The following ABCC10 variants were observed in gnomAD, a reference collection of about 807,000 sequenced individuals.
The protein encoded by ABCC10 is ATP binding cassette subfamily C member 10, also known as ATP-binding cassette sub-family C member 10.
A neutral mutation model predicts 143.2 loss-of-function variants in ABCC10; 110 were observed. The ratio of observed to expected loss-of-function variants is 0.77; its 90% CI spans 0.66 to 0.90. The LOEUF is 0.90. Among genes scored for constraint, ABCC10 ranks in the 40% least tolerant of loss-of-function variants. The pLI, the probability that ABCC10 is intolerant of heterozygous loss-of-function variation, is 0.00. For synonymous variants in ABCC10, 805 were observed against 846.7 expected, an observed-to-expected ratio of 0.95 and a Z score of 0.85; for missense variants, 1,700 against 1,900.5, an observed-to-expected ratio of 0.89 and a Z score of 1.96.
chr6:43,437,855 CAG>C, intron 6 of ABCC10, 77 bp from the exon 7 acceptor site: 3 of 1,427,278 alleles, frequency 2.1e-6, no homozygotes, highest in Non-Finnish European at 2.9e-6. Flanking sequence ...ACTGGCAGCC[CAG>C]AGTGTCAAGA....
chr6:43,428,245 G>A, intron 2 of ABCC10, 106 bp downstream of exon 2: 1 of 1,273,590 alleles, frequency 7.9e-7, no homozygotes, highest in Non-Finnish European at 1.0e-6. Context: ...CTCTGGAGTA[G>A]GGCAGAAGTA....
At chr6:43,434,974 G>A (rs1379041924) in intron 4 of ABCC10, 126 bp downstream of exon 4, 1 of 1,039,284 alleles carries the variant, frequency 9.6e-7, no homozygotes, top group Non-Finnish European at 1.4e-6. Context: ...TCTCAACCAA[G>A]GGAAAACTGA....
Position 43,432,219 on chromosome 6 carries a change from C to T in ABCC10, c.239C>T (p.Pro80Leu), listed in dbSNP as rs773097985. 41 of 1,614,100 alleles carry T rather than the reference C, an allele frequency of 2.5e-5. No homozygotes were observed. The highest frequency in any genetic ancestry group is 1.6e-4 in the Middle Eastern group (1 of 6,084). Reference protein sequence around the residue: ...LAASFLLSVFPLLDLLPVALP... With the variant: ...LAASFLLSVFLLLDLLPVALP... ...GCTTCCTTCCTGCTTTCCGTCTTCC[C>T]GCTGCTAGACCTTCTTCCAGTTGCT... Residue 80 changes from proline (P) to leucine (L), a missense_variant, in exon 3 of 22, where the codon CCG (proline) becomes CTG (leucine). Coordinates refer to ENST00000372530, the MANE Select transcript of ABCC10 (RefSeq NM_001198934.2).
intron 9 of ABCC10, 37 bp downstream of exon 9, chr6:43,441,997 G>C (rs775320890): frequency 6.3e-7 from 1 of 1,577,572 alleles, no homozygotes; most frequent in South Asian, 1.1e-5. Flanking sequence ...GCAGGGAGGT[G>C]GGGGGAGTCC....
At chr6:43,444,608 C>A (rs979928444) in intron 12 of ABCC10, among the ~76,000 whole-genome samples, 180 bp from the exon 13 acceptor site, 1 of 152,112 alleles carries the variant, frequency 6.6e-6, no homozygotes, top group Non-Finnish European at 1.5e-5. Flanking sequence ...TGAAGGGTGA[C>A]GGGCCTATGA....
In ABCC10 at chr6:43,437,943, G is replaced by A. The variant is rs146248207; in HGVS notation, c.1885G>A (p.Val629Met). ...TGTGGCTTCCTTGCAGGGTATGCTG[G>A]TGGGCATCGTGGGGAAGGTCGGCTG... is the stretch of plus-strand genomic sequence containing the variant. Reference protein sequence around the residue: ...SHLEVKKGMLVGIVGKVGCGK... With the variant: ...SHLEVKKGMLMGIVGKVGCGK... Residue 629 changes from valine to methionine, a missense_variant, in exon 7 of 22, where the codon GTG (valine) becomes ATG (methionine). By Grantham distance (21) the Val-to-Met change is conservative. Transcript: ENST00000372530. 6.2e-7 allele frequency: 1 copy of A among 1,612,826 alleles called. No homozygotes were observed. The highest frequency in any genetic ancestry group is 8.5e-7 in the Non-Finnish European group (1 of 1,179,636).
At chr6:43,432,009 G>A (rs960037727) in intron 2 of ABCC10, 133 bp from the exon 3 acceptor site, 4 of 1,459,518 alleles carry the variant, frequency 2.7e-6, no homozygotes, top group Non-Finnish European at 3.6e-6. Context: ...CTGAGGTAAA[G>A]TGGAGTAGGG....
intron 2 of ABCC10, among the ~76,000 whole-genome samples, chr6:43,430,408 A>T (rs1212678227): frequency 6.6e-6 from 1 of 152,050 alleles, no homozygotes; most frequent in Non-Finnish European, 1.5e-5. Context: ...AGAATTCTTA[A>T]AGGCTGATTT....
rs767009632 is a variant in ABCC10 at position 43,444,028 on chromosome 6, G to A, written c.2494+18G>A. ...TGACTCAGGTATGGCTCCCCAGTGGGAGAAAAGGGCTTGCTTTTCCCTGCC... is the reference window on the plus strand; with the variant it reads ...TGACTCAGGTATGGCTCCCCAGTGGAAGAAAAGGGCTTGCTTTTCCCTGCC... On this transcript the variant is annotated intron_variant, in intron 11 of 21. Transcript: ENST00000372530. The A allele has an allele frequency of 6.2e-7, 1 of 1,612,554 alleles. No individual in the cohort carries two copies. Among genetic ancestry groups the A allele is most frequent in the Non-Finnish European group, 8.5e-7 (1 of 1,178,506 alleles).
chr6:43,451,235 C>T, downstream of ABCC10: 1 of 1,614,126 alleles, frequency 6.2e-7, no homozygotes, highest in Non-Finnish European at 8.5e-7. This position sits in a 1 kb window ranked among gnomAD's most constrained non-coding sequence, Gnocchi z 4.4. Context: ...GAGCAAAGCC[C>T]TGGTCGTCCT....
At chr6:43,444,609 G>A (rs928569991) in intron 12 of ABCC10, among the ~76,000 whole-genome samples, 179 bp from the exon 13 acceptor site, 2 of 152,176 alleles carry the variant, frequency 1.3e-5, no homozygotes, top group East Asian at 1.9e-4. Context: ...GAAGGGTGAC[G>A]GGCCTATGAG....
chr6:43,449,341 G>A lies in ABCC10; in HGVS notation c.4204-81G>A. ...GAGCTGGAAGTGGGGAGCTGTGGTA[G>A]GGGCTGTTGCTTGGGCCAGGCCCAA... On this transcript the variant is annotated intron_variant, in intron 20 of 21. Transcript: ENST00000372530. 5 of 1,495,072 alleles carry A rather than the reference G, an allele frequency of 3.3e-6. No homozygotes were observed. The South Asian group carries it at 6.1e-5, about 18-fold the overall frequency. 92.6% of individuals were successfully genotyped at this position (1,495,072 alleles called of 1,614,324 possible).
intron 9 of ABCC10, 84 bp from the exon 10 acceptor site, chr6:43,442,886 T>C: frequency 7.7e-7 from 1 of 1,297,726 alleles, no homozygotes; most frequent in Non-Finnish European, 1.0e-6. Flanking sequence ...AGAGTTTCTC[T>C]CAACTGTCTT....
In ABCC10 at chr6:43,446,940, T is replaced by C. The variant is rs374229989; in HGVS notation, c.3545-308T>C. 4.3e-4 allele frequency: 415 copies of C among 957,798 alleles called. 2 individuals are homozygous for C. In the African/African-American group the frequency reaches 5.0e-3, roughly 12 times the overall value. 59.3% of individuals were successfully genotyped at this position (957,798 alleles called of 1,614,324 possible). ...TCGGCTCACTGCAACCTCTGCCTCC[T>C]GGGTTCAAGCAATTCTCCTGTCTCA... is the stretch of plus-strand genomic sequence containing the variant. On this transcript the variant is annotated intron_variant, in intron 16 of 21. Coordinates refer to ENST00000372530, the MANE Select transcript of ABCC10 (RefSeq NM_001198934.2).
chr6:43,450,718 C>T (rs773031444), downstream of ABCC10: 23 of 1,614,148 alleles, frequency 1.4e-5, no homozygotes, highest in South Asian at 2.3e-4. This position sits in a 1 kb window ranked among gnomAD's most constrained non-coding sequence, Gnocchi z 4.5. Flanking sequence ...GTCAGCAACA[C>T]AGTAGCCAGA....
Position 43,449,977 on chromosome 6 carries a change from G to A in ABCC10, c.4365G>A (p.Gly1455=). 6.2e-7 allele frequency: 1 copy of A among 1,613,976 alleles called. No homozygotes were observed. The change falls in exon 22 of 22, where the codon GGG becomes GGA. Residue 1455 remains glycine (G), a synonymous_variant. Transcript: ENST00000372530. ...ACCGGGTGCTGGTGCTACAAGCGGG[G>A]AGAGTGGTAGAGCTGGACTCCCCGG... is the stretch of plus-strand genomic sequence containing the variant. The part of the protein sequence containing the change: ...NSDRVLVLQA[G]RVVELDSPAT...
At chr6:43,433,983 A>G (rs1016394304) in intron 3 of ABCC10, among the ~76,000 whole-genome samples, 10 of 152,240 alleles carry the variant, frequency 6.6e-5, no homozygotes, top group African/African-American at 2.4e-4. Flanking sequence ...CATACAGCAT[A>G]GTTGTCGACC....
chr6:43,443,217 T>C lies in ABCC10; in HGVS notation c.2416+58T>C. 6.7e-7 allele frequency: 1 copy of C among 1,491,370 alleles called. No individual in the cohort carries two copies. Among genetic ancestry groups the C allele is most frequent in the Admixed American group, 2.2e-5 (1 of 46,346 alleles). 92.4% of individuals were successfully genotyped at this position (1,491,370 alleles called of 1,614,324 possible). On this transcript the variant is annotated intron_variant, in intron 10 of 21. Transcript: ENST00000372530. This position sits in a 1 kb window ranked among gnomAD's most constrained non-coding sequence, Gnocchi z 4.2. ...TGTCTGCCCAGGTCTGGCAGGGGAT[T>C]GTGAAGTACAGACTCTGCCCCCTGC... is the stretch of plus-strand genomic sequence containing the variant.
At chr6:43,451,847 G>T, downstream of ABCC10, 1 of 1,525,208 alleles carries the variant, frequency 6.6e-7, no homozygotes. This position sits in a 1 kb window ranked among gnomAD's most constrained non-coding sequence, Gnocchi z 4.4. Context: ...CTGACTCTCA[G>T]TCCCCCACCC....
Sources: gnomAD v4.1 joint callset for allele counts (sites outside exome capture counted in the v4.1 genomes callset) on GRCh38, gnomAD v4.1.1 for gene constraint, Gnocchi (gnomAD v3.1) non-coding constraint, MANE v1.5 for transcripts, NCBI Gene and HGNC (gene_info 2026-07-23, HGNC 2026-07-21) for gene names.